ABI2: variants seen among roughly 807,000 people sequenced by gnomAD.
ABI2 encodes the protein abelson interactor 2.
Under a neutral mutation model 59.2 loss-of-function variants are expected in ABI2, and 25 were observed. The ratio of observed to expected loss-of-function variants is 0.42; its 90% CI spans 0.31 to 0.59. The LOEUF (loss-of-function observed/expected upper bound fraction) is 0.59, where lower values mean the gene tolerates loss of function less well. ABI2 is among the 20% of genes least tolerant of loss of function. ABI2 has a pLI of 0.14. For missense variants in ABI2, 545 were observed against 681.8 expected, an observed-to-expected ratio of 0.80 and a Z score of 2.23; for synonymous variants, 213 against 235.5, an observed-to-expected ratio of 0.90 and a Z score of 0.87.
chr2:203,399,716 C>T (rs1340577599), intron 8 of ABI2, among the ~76,000 whole-genome samples: 3 of 151,984 alleles, frequency 2.0e-5, no homozygotes, highest in Non-Finnish European at 4.4e-5. Flanking sequence ...GGTTTCACCA[C>T]GTTGGCCAGG....
intron 11 of ABI2, among the ~76,000 whole-genome samples, chr2:203,418,370 C>A (rs986301228): frequency 2.6e-5 from 4 of 152,254 alleles, no homozygotes; most frequent in African/African-American, 9.6e-5. Context: ...ACTCTTCACA[C>A]GGCTGCAATC....
chr2:203,424,235 A>G (rs1440789681), intron 11 of ABI2, among the ~76,000 whole-genome samples: 1 of 152,176 alleles, frequency 6.6e-6, no homozygotes, highest in Non-Finnish European at 1.5e-5. Context: ...ACCGCTTTAG[A>G]GTTACTTTGA....
intron 11 of ABI2, among the ~76,000 whole-genome samples, chr2:203,423,631 G>C (rs1273407467): frequency 6.6e-6 from 1 of 152,132 alleles, no homozygotes. Context: ...CACCATATTG[G>C]CCAGGCTGGT....
chr2:203,343,783 C>G (rs1177290748), intron 1 of ABI2, among the ~76,000 whole-genome samples: 2 of 152,172 alleles, frequency 1.3e-5, no homozygotes, highest in Non-Finnish European at 2.9e-5. Flanking sequence ...GGCCACTAAT[C>G]AGGTCCCCTT....
chr2:203,406,877 G>C (rs1156743647), intron 9 of ABI2, among the ~76,000 whole-genome samples: 2 of 152,054 alleles, frequency 1.3e-5, no homozygotes, highest in African/African-American at 4.8e-5. Flanking sequence ...TGGCCAGGCT[G>C]ATCTCCGACT....
intron 1 of ABI2, among the ~76,000 whole-genome samples, chr2:203,338,498 C>G (rs2077464057): frequency 1.3e-5 from 2 of 151,966 alleles, no homozygotes; most frequent in African/African-American, 4.8e-5. Flanking sequence ...TAAAATTAGT[C>G]TGGGAGCCCC....
chr2:203,431,402 G>A lies in ABI2; in HGVS notation c.*4050G>A, dbSNP rs1322022747. ...TTCAGGAATATACGTGAAAAGACAT[G>A]CCATGTTTTGGTAAATACCATCAGA... On this transcript the variant is annotated 3_prime_UTR_variant, in exon 12 of 12. Coordinates refer to ENST00000261018, the MANE Select transcript of ABI2 (RefSeq NM_001375670.1). 4 of 152,606 alleles carry A rather than the reference G, an allele frequency of 2.6e-5. No homozygotes were observed. In the East Asian group the frequency reaches 7.7e-4, roughly 29 times the overall value. The allele number at this position is 152,606 out of a possible 1,614,324, so 9.5% of individuals were successfully genotyped here.
At chr2:203,382,328 T>C (rs1039127688) in intron 4 of ABI2, 122 bp downstream of exon 4, 3 of 890,654 alleles carry the variant, frequency 3.4e-6, no homozygotes, top group South Asian at 3.7e-5. Flanking sequence ...CTCCTTTTTG[T>C]TTTATTTTTT....
intron 9 of ABI2, among the ~76,000 whole-genome samples, chr2:203,406,006 C>G (rs1421544654): frequency 2.0e-5 from 3 of 151,990 alleles, no homozygotes; most frequent in Non-Finnish European, 4.4e-5. Context: ...GGAAAGGAAC[C>G]CTTTGATCAG....
intron 1 of ABI2, among the ~76,000 whole-genome samples, chr2:203,349,161 C>A (rs111869940): frequency 1.3e-4 from 19 of 151,730 alleles, no homozygotes; most frequent in African/African-American, 4.6e-4. Flanking sequence ...AAGCTGGTCT[C>A]CAACTCCTGA....
chr2:203,355,829 CAAAAAAAAAAA>C (rs771519788), intron 1 of ABI2, among the ~76,000 whole-genome samples: 2 of 68,512 alleles, frequency 2.9e-5, no homozygotes, highest in East Asian at 4.6e-4. Flanking sequence ...AAAACTGTCT[CAAAAAAAAAAA>C]AAAAAAAAAA....
intron 1 of ABI2, among the ~76,000 whole-genome samples, chr2:203,344,045 A>G (rs960580325): frequency 2.6e-4 from 40 of 152,198 alleles, no homozygotes; most frequent in Admixed American, 2.3e-3. Context: ...AGGTGGGAGG[A>G]TTGCTTGAGC....
intron 6 of ABI2, 36 bp downstream of exon 6, chr2:203,394,882 A>T: frequency 6.2e-7 from 1 of 1,606,636 alleles, no homozygotes; most frequent in South Asian, 1.1e-5. Flanking sequence ...TGTGATGGTC[A>T]TAGTACCATA....
chr2:203,427,298 G>T lies in ABI2; in HGVS notation c.1575G>T (p.Val525=). Residue 525 remains valine, a synonymous_variant, in exon 12 of 12, where the codon GTG becomes GTT. Transcript: ENST00000261018. ...DGWYEGVMNG[V]TGLFPGNYVE... ...GGTATGAGGGAGTTATGAATGGAGT[G>T]ACTGGGCTTTTTCCTGGGAATTACG... The T allele has an allele frequency of 6.2e-7, 1 of 1,614,022 alleles. No homozygotes were observed. The highest frequency in any genetic ancestry group is 1.1e-5 in the South Asian group (1 of 91,042).
intron 1 of ABI2, among the ~76,000 whole-genome samples, chr2:203,338,908 CTGTGTGTGTG>C (rs148766477): frequency 1.6e-5 from 1 of 64,032 alleles, no homozygotes; most frequent in East Asian, 3.9e-4. Flanking sequence ...GGGTTTATAT[CTGTGTGTGTG>C]TGTGTGTGTG....
intron 2 of ABI2, chr2:203,376,084 G>A: frequency 4.6e-6 from 7 of 1,534,296 alleles, no homozygotes; most frequent in East Asian, 2.5e-5. Context: ...ATCTTGAGTC[G>A]ACTTTTGTGA....
At chr2:203,384,297 T>TTTG (rs1559289132) in intron 4 of ABI2, among the ~76,000 whole-genome samples, 3 of 124,048 alleles carry the variant, frequency 2.4e-5, no homozygotes, top group African/African-American at 6.0e-5. Flanking sequence ...TTTGTTTTTT[T>TTTG]TTTTTTTTTT....
Position 203,428,737 on chromosome 2 carries a change from G to C in ABI2, c.*1385G>C, listed in dbSNP as rs1334462457. 2 of 152,218 alleles carry C rather than the reference G, an allele frequency of 1.3e-5. No homozygotes were observed. The highest frequency in any genetic ancestry group is 6.5e-5 in the Admixed American group (1 of 15,282). The allele number at this position is 152,218 out of a possible 1,614,324, so 9.4% of individuals were successfully genotyped here. Reference sequence around the variant, plus strand: ...TGCTGAAAAAAATCCAGGAGGGCTTGTCTCTTTGTGGGTGGTCACTGTGAT... The same window carrying C: ...TGCTGAAAAAAATCCAGGAGGGCTTCTCTCTTTGTGGGTGGTCACTGTGAT... On this transcript the variant is annotated 3_prime_UTR_variant, in exon 12 of 12. Transcript: ENST00000261018.
chr2:203,330,543 C>G (rs1338885960), intron 1 of ABI2, among the ~76,000 whole-genome samples: 1 of 152,084 alleles, frequency 6.6e-6, no homozygotes, highest in Non-Finnish European at 1.5e-5. Flanking sequence ...TTAATTTATA[C>G]TCTGTAGTGC....
Sources: allele counts gnomAD v4.1 joint callset (sites outside exome capture counted in the v4.1 genomes callset), GRCh38; gene constraint gnomAD v4.1.1; transcripts MANE v1.5; gene names NCBI Gene and HGNC (gene_info 2026-07-23, HGNC 2026-07-21).